Variants in TBC1D30 observed in about 807,000 individuals in gnomAD.
TBC1D30 encodes the protein TBC1 domain family, member 30.
TBC1D30 carries 31 observed loss-of-function variants against 63.2 expected under a neutral mutation model. That is an observed-to-expected ratio of 0.49 (90% CI 0.37 to 0.66). The LOEUF (loss-of-function observed/expected upper bound fraction) is 0.66. Ranked by LOEUF, TBC1D30 falls within the 30% of genes least tolerant of loss-of-function variation. The probability of loss-of-function intolerance (pLI) is 0.00; values close to 1 mark genes in which losing one functional copy is unlikely to be tolerated. For synonymous variants in TBC1D30, 307 were observed against 361.5 expected (o/e 0.85, Z 1.71); for missense variants, 810 against 953.6 (o/e 0.85, Z 1.98).
upstream of TBC1D30, chr12:64,824,480 C>T (rs878954740): frequency 3.4e-5 from 6 of 179,104 alleles, no homozygotes; most frequent in East Asian, 5.8e-4. Context: ...CGCAGTTACG[C>T]GCCCACTGGC....
chr12:64,781,184 G>C, exon 1 of TBC1D30: 1 of 1,057,256 alleles, frequency 9.5e-7, no homozygotes, highest in East Asian at 1.1e-4. Flanking sequence ...GGGCTCCGAC[G>C]TGGTCCTGGG....
chr12:64,763,117 G>T (rs201187060), intron 1 of TBC1D30, among the ~76,000 whole-genome samples: 2 of 151,808 alleles, frequency 1.3e-5, no homozygotes, highest in Admixed American at 6.6e-5. Context: ...CACTATGCCC[G>T]GCTAATTTTT....
chr12:64,769,815 C>T (rs952390982), intron 1 of TBC1D30, among the ~76,000 whole-genome samples: 11 of 152,156 alleles, frequency 7.2e-5, no homozygotes, highest in East Asian at 3.9e-4. Flanking sequence ...CCACTGGGCT[C>T]GGCTGAAAAA....
At chr12:64,839,909 G>T (rs1463830696) in intron 7 of TBC1D30, among the ~76,000 whole-genome samples, 1 of 150,948 alleles carries the variant, frequency 6.6e-6, no homozygotes, top group African/African-American at 2.4e-5. Flanking sequence ...GGAGGCTGAG[G>T]CAGGAGAATG....
chr12:64,764,531 C>G (rs1032822860), intron 1 of TBC1D30, among the ~76,000 whole-genome samples: 2 of 152,148 alleles, frequency 1.3e-5, no homozygotes, highest in African/African-American at 2.4e-5. Context: ...AATATAGATG[C>G]CTTTATACAA....
At chr12:64,845,814 C>CA (rs1239572438) in intron 8 of TBC1D30, among the ~76,000 whole-genome samples, 8 of 151,978 alleles carry the variant, frequency 5.3e-5, no homozygotes, top group Non-Finnish European at 1.2e-4. Flanking sequence ...TGTTTGCCAC[C>CA]ATGCCAGGCT....
Position 64,879,896 on chromosome 12 carries a change from G to C in TBC1D30, c.*4108G>C, listed in dbSNP as rs1879346091. 6.6e-6 allele frequency: 1 copy of C among 152,182 alleles called. No homozygotes were observed. Among genetic ancestry groups the C allele is most frequent in the Non-Finnish European group, 1.5e-5 (1 of 68,040 alleles). The allele number at this position is 152,182 out of a possible 1,614,324, so 9.4% of individuals were successfully genotyped here. ...TACTAGGTTTTGTCAAAGAATACCA[G>C]ATATTTTAGAGTTGGAAGTTATGCA... is the stretch of plus-strand genomic sequence containing the variant. On this transcript the variant is annotated 3_prime_UTR_variant, in exon 12 of 12. Coordinates refer to ENST00000539867, the MANE Select transcript of TBC1D30 (RefSeq NM_015279.2).
chr12:64,855,173 C>T (rs939681484), intron 8 of TBC1D30, among the ~76,000 whole-genome samples: 3 of 152,162 alleles, frequency 2.0e-5, no homozygotes, highest in Non-Finnish European at 4.4e-5. Context: ...TGTAAGATTT[C>T]CACTGAGAAG....
At chr12:64,829,452 G>A (rs1012083340) in intron 3 of TBC1D30, among the ~76,000 whole-genome samples, 4 of 152,100 alleles carry the variant, frequency 2.6e-5, no homozygotes, top group African/African-American at 2.4e-5. Context: ...GTGATTGGGA[G>A]GTAGAATTAC....
Position 64,866,829 on chromosome 12 carries a change from A to T in TBC1D30, c.1217A>T (p.Asn406Ile), listed in dbSNP as rs1385037573. The change falls in exon 10 of 12, where the codon AAT becomes ATT. Residue 406 changes from asparagine to isoleucine, a missense_variant. Transcript: ENST00000539867. ...CCAGACGATGAGGATGCTGTCGTTA[A>T]TGCAGTGGGGTGTCTTGGACCTTTT... ...NDPDDEDAVV[N>I]AVGCLGPFSG... 2 of 1,536,502 alleles carry T rather than the reference A, an allele frequency of 1.3e-6. No homozygotes were observed. The highest frequency in any genetic ancestry group is 2.4e-5 in the South Asian group (2 of 84,060).
intron 1 of TBC1D30, among the ~76,000 whole-genome samples, chr12:64,781,445 G>A (rs1871282722): frequency 6.6e-6 from 1 of 152,232 alleles, no homozygotes; most frequent in African/African-American, 2.4e-5. Flanking sequence ...ACAGATTTAT[G>A]TCCACACTTA....
chr12:64,771,351 G>T (rs181903500), intron 1 of TBC1D30, among the ~76,000 whole-genome samples: 1 of 152,154 alleles, frequency 6.6e-6, no homozygotes, highest in Admixed American at 6.5e-5. Flanking sequence ...AGCCCAGATC[G>T]AGATGGAACT....
At chr12:64,835,392 G>A (rs1173972655) in intron 5 of TBC1D30, among the ~76,000 whole-genome samples, 6 of 152,032 alleles carry the variant, frequency 3.9e-5, no homozygotes, top group Non-Finnish European at 8.8e-5. Context: ...TTTGTGGGGC[G>A]GGTTAGGGGG....
intron 2 of TBC1D30, chr12:64,818,769 T>G (rs931821641): frequency 6.6e-6 from 1 of 152,234 alleles, no homozygotes; most frequent in African/African-American, 2.4e-5. Flanking sequence ...GCGTATGTAC[T>G]GTGTTCATAA....
chr12:64,860,792 G>T (rs1449999419), intron 8 of TBC1D30, among the ~76,000 whole-genome samples: 1 of 152,176 alleles, frequency 6.6e-6, no homozygotes, highest in Non-Finnish European at 1.5e-5. Context: ...TGAGCAACTT[G>T]TTGGTTTCTC....
At chr12:64,836,898 A>C (rs182876820) in intron 6 of TBC1D30, among the ~76,000 whole-genome samples, 2 of 152,354 alleles carry the variant, frequency 1.3e-5, no homozygotes, top group Non-Finnish European at 2.9e-5. Flanking sequence ...TACCAGATCA[A>C]CAACTGAAAT....
chr12:64,775,104 A>AAATAT (rs1555165731), intron 1 of TBC1D30, among the ~76,000 whole-genome samples: 2 of 147,908 alleles, frequency 1.4e-5, no homozygotes, highest in African/African-American at 5.0e-5. Flanking sequence ...AAAAAAAAAA[A>AAATAT]ATATATATAT....
intron 5 of TBC1D30, among the ~76,000 whole-genome samples, chr12:64,835,845 C>T (rs1023639449): frequency 2.0e-5 from 3 of 152,082 alleles, no homozygotes; most frequent in Non-Finnish European, 2.9e-5. Flanking sequence ...AGGTTCTTGA[C>T]ATTTTAGGAA....
intron 1 of TBC1D30, among the ~76,000 whole-genome samples, chr12:64,774,560 C>G (rs958104188): frequency 6.6e-6 from 1 of 152,106 alleles, no homozygotes; most frequent in African/African-American, 2.4e-5. Context: ...AGGTCACTTA[C>G]AAAGGGAAGC....
Sources: gnomAD v4.1 joint callset for allele counts (sites outside exome capture counted in the v4.1 genomes callset) on GRCh38, gnomAD v4.1.1 for gene constraint, MANE v1.5 for transcripts, NCBI Gene and HGNC (gene_info 2026-07-23, HGNC 2026-07-21) for gene names.